SUMO2: variants seen among roughly 807,000 people sequenced by gnomAD.
SUMO2 encodes the protein small ubiquitin like modifier 2.
A neutral mutation model predicts 16.0 loss-of-function variants in SUMO2; 1 was observed. The observed-to-expected ratio is 0.06, with a 90% CI of 0.02 to 0.30. SUMO2 has a LOEUF of 0.30. Ranked by LOEUF, SUMO2 falls within the 10% of genes least tolerant of loss-of-function variation. The probability of loss-of-function intolerance (pLI) is 1.00; values close to 1 mark genes in which losing one functional copy is unlikely to be tolerated. For synonymous variants in SUMO2, 36 were observed against 40.6 expected, an observed-to-expected ratio of 0.89 and a Z score of 0.43; for missense variants, 16 against 117.5, an observed-to-expected ratio of 0.14 and a Z score of 3.99.
At chr17:75,172,357 T>A (rs891565730) in intron 3 of SUMO2, among the ~76,000 whole-genome samples, 4 of 139,480 alleles carry the variant, frequency 2.9e-5, no homozygotes. Context: ...ACAGGGGCTG[T>A]TACCCAGGCT....
intron 2 of SUMO2, among the ~76,000 whole-genome samples, chr17:75,180,392 T>TAAAAAAAAAAA (rs58684188): frequency 4.5e-5 from 2 of 44,874 alleles, no homozygotes; most frequent in Non-Finnish European, 7.7e-5. Flanking sequence ...ACTCCCAGCT[T>TAAAAAAAAAAA]AAAAAAAAAA....
At chr17:75,175,924 C>G (rs1261080148) in intron 2 of SUMO2, among the ~76,000 whole-genome samples, 1 of 152,066 alleles carries the variant, frequency 6.6e-6, no homozygotes, top group Non-Finnish European at 1.5e-5. Context: ...TGAGCCACTG[C>G]GCCCAGCCAG....
rs2074704466 is a variant in SUMO2 at position 75,167,849 on chromosome 17, G to A, written c.*490C>T. 1 of 163,490 alleles carries A rather than the reference G, an allele frequency of 6.1e-6. No homozygotes were observed. Among genetic ancestry groups the A allele is most frequent in the African/African-American group, 2.4e-5 (1 of 41,412 alleles). The allele number at this position is 163,490 out of a possible 1,614,324, so 10.1% of individuals were successfully genotyped here. On this transcript the variant is annotated 3_prime_UTR_variant, in exon 4 of 4. Coordinates refer to ENST00000420826, the MANE Select transcript of SUMO2 (RefSeq NM_006937.4). ...TACTTAAAGACAGATTGCCCTACAT[G>A]TAACAGCTACGTACAAAAAAGTTAT... is the stretch of plus-strand genomic sequence containing the variant.
intron 2 of SUMO2, among the ~76,000 whole-genome samples, chr17:75,178,177 C>T (rs956436211): frequency 4.0e-5 from 6 of 149,540 alleles, no homozygotes; most frequent in Non-Finnish European, 8.9e-5. Flanking sequence ...AAAAAAAAGG[C>T]AAAATTTTGC....
chr17:75,178,509 C>CAAAA (rs545816366), intron 2 of SUMO2, among the ~76,000 whole-genome samples: 13 of 74,848 alleles, frequency 1.7e-4, no homozygotes, highest in African/African-American at 2.2e-4. Flanking sequence ...GCGAGACTCT[C>CAAAA]AAAAAAAAAA....
intron 3 of SUMO2, among the ~76,000 whole-genome samples, chr17:75,171,532 A>T (rs1223684075): frequency 6.6e-6 from 1 of 151,916 alleles, no homozygotes; most frequent in African/African-American, 2.4e-5. Flanking sequence ...AAAAAATAAA[A>T]AAAAGCTGGG....
chr17:75,173,476 C>CGTTTTT (rs745734014), intron 3 of SUMO2, among the ~76,000 whole-genome samples: 1 of 141,098 alleles, frequency 7.1e-6, no homozygotes. Flanking sequence ...GACTGGAAGT[C>CGTTTTT]ATTTTTTTTT....
At chr17:75,171,369 C>T (rs888505372) in intron 3 of SUMO2, among the ~76,000 whole-genome samples, 8 of 151,584 alleles carry the variant, frequency 5.3e-5, no homozygotes, top group African/African-American at 1.9e-4. Flanking sequence ...ACAAAATTAG[C>T]CAGGCATCAT....
At chr17:75,180,386 C>A (rs12941564) in intron 2 of SUMO2, among the ~76,000 whole-genome samples, 4 of 109,384 alleles carry the variant, frequency 3.7e-5, no homozygotes, top group Admixed American at 2.4e-4. Flanking sequence ...AGTGAGACTC[C>A]CAGCTTAAAA....
intron 3 of SUMO2, among the ~76,000 whole-genome samples, chr17:75,171,833 C>T (rs1482705503): frequency 6.6e-6 from 1 of 151,982 alleles, no homozygotes; most frequent in Non-Finnish European, 1.5e-5. Flanking sequence ...ACAATAGATA[C>T]TTTTTACTAT....
rs1173240136 is a variant in SUMO2, at chr17:75,182,462, G to A, written c.21+352C>T. 5 of 182,624 alleles carry A rather than the reference G, an allele frequency of 2.7e-5. No homozygotes were observed. In the Admixed American group the frequency reaches 3.1e-4, roughly 11 times the overall value. The allele number at this position is 182,624 out of a possible 1,614,324, so 11.3% of individuals were successfully genotyped here. On this transcript the variant is annotated intron_variant, in intron 1 of 3. Transcript: ENST00000420826. ...CCCGACGCGGGGTCGACAGAAGGTG[G>A]AGACCCCGCGCGCCCTAACGCCCCT...
intron 3 of SUMO2, among the ~76,000 whole-genome samples, chr17:75,173,319 T>C (rs931607496): frequency 6.6e-6 from 1 of 152,032 alleles, no homozygotes; most frequent in African/African-American, 2.4e-5. Flanking sequence ...CATGCTACCA[T>C]GCCCAGCTCT....
intron 3 of SUMO2, among the ~76,000 whole-genome samples, chr17:75,169,314 G>A (rs1476769767): frequency 1.3e-5 from 2 of 151,896 alleles, no homozygotes; most frequent in East Asian, 1.9e-4. Flanking sequence ...TGAAGTGGGC[G>A]GGTCACCTGA....
At chr17:75,171,773 T>TA (rs759826780) in intron 3 of SUMO2, among the ~76,000 whole-genome samples, 1 of 152,074 alleles carries the variant, frequency 6.6e-6, no homozygotes, top group Non-Finnish European at 1.5e-5. Flanking sequence ...TAGTGGTGGG[T>TA]AAGGAGGGCT....
In SUMO2 at chr17:75,166,877, C is replaced by G. The variant is rs970197436; in HGVS notation, c.*1462G>C. The G allele has an allele frequency of 1.3e-5, 2 of 152,032 alleles. No individual in the cohort carries two copies. Among genetic ancestry groups the G allele is most frequent in the African/African-American group, 4.8e-5 (2 of 41,346 alleles). The allele number at this position is 152,032 out of a possible 1,614,324, so 9.4% of individuals were successfully genotyped here. On this transcript the variant is annotated 3_prime_UTR_variant, in exon 4 of 4. Coordinates refer to ENST00000420826, the MANE Select transcript of SUMO2 (RefSeq NM_006937.4). The stretch of plus-strand genomic sequence containing the variant: ...GAGCCAAGATTGTGCCACTGCACTA[C>G]AGCCTGGGAGACGGAATGATGCTCC...
chr17:75,170,136 C>T (rs1247959364), intron 3 of SUMO2, among the ~76,000 whole-genome samples: 1 of 151,596 alleles, frequency 6.6e-6, no homozygotes, highest in African/African-American at 2.4e-5. Context: ...AAGATCATGC[C>T]ATTGCATGTG....
rs2074826482 is a variant in SUMO2 at position 75,181,275 on chromosome 17, AAATC to A, written c.22-91_22-88del. ...GCAGCAGCAGCCCTAGTTGCTTCAA[AAATC>A]AACAGGTTTCTCATACTGTATGCTA... On this transcript the variant is annotated intron_variant, in intron 1 of 3. Transcript: ENST00000420826. The A allele has an allele frequency of 2.2e-6, 3 of 1,392,372 alleles. No individual in the cohort carries two copies. In the East Asian group the frequency reaches 7.1e-5, roughly 33 times the overall value. 86.3% of individuals were successfully genotyped at this position (1,392,372 alleles called of 1,614,324 possible). A position where few individuals can be genotyped will look rare whatever the true frequency, so the allele number is the denominator to read the frequency against.
chr17:75,165,630 A>T lies in SUMO2; in HGVS notation c.*2709T>A, dbSNP rs1011375201. On this transcript the variant is annotated 3_prime_UTR_variant, in exon 4 of 4. Coordinates refer to ENST00000420826, the MANE Select transcript of SUMO2 (RefSeq NM_006937.4). ...ATTGGTAGGTTGACAATCAGTATGG[A>T]CAAAAACAATCAACAAGCATTAGGA... 6.6e-6 allele frequency: 1 copy of T among 152,190 alleles called. No individual in the cohort carries two copies. The highest frequency in any genetic ancestry group is 6.6e-5 in the Admixed American group (1 of 15,234). 9.4% of individuals were successfully genotyped at this position (152,190 alleles called of 1,614,324 possible).
chr17:75,171,766 T>G (rs898178831), intron 3 of SUMO2, among the ~76,000 whole-genome samples: 32 of 152,144 alleles, frequency 2.1e-4, no homozygotes, highest in African/African-American at 7.7e-4. Context: ...CCCGTTTTAG[T>G]GGTGGGTAAG....
Sources: gnomAD v4.1 joint callset for allele counts (sites outside exome capture counted in the v4.1 genomes callset) on GRCh38, gnomAD v4.1.1 for gene constraint, MANE v1.5 for transcripts, NCBI Gene and HGNC (gene_info 2026-07-23, HGNC 2026-07-21) for gene names.